The following ELMO2 variants were observed in gnomAD, a reference collection of about 807,000 sequenced individuals.
ELMO2 encodes engulfment and cell motility protein 2.
ELMO2 carries 37 observed loss-of-function variants against 96.2 expected under a neutral mutation model. The observed-to-expected ratio is 0.38, with a 90% CI of 0.30 to 0.51. The LOEUF is 0.51. Among genes scored for constraint, ELMO2 ranks in the 20% least tolerant of loss-of-function variants. The pLI, the probability that ELMO2 is intolerant of heterozygous loss-of-function variation, is 0.88. For synonymous variants in ELMO2, 315 were observed against 329.4 expected, an observed-to-expected ratio of 0.96 and a Z score of 0.47; for missense variants, 561 against 912.6, an observed-to-expected ratio of 0.61 and a Z score of 4.96.
intron 21 of ELMO2, among the ~76,000 whole-genome samples, chr20:46,368,361 A>G (rs1225751474): frequency 6.6e-6 from 1 of 152,112 alleles, no homozygotes; most frequent in East Asian, 1.9e-4. Flanking sequence ...CCTTGTCAGA[A>G]GGACCAGTTC....
At chr20:46,405,756 C>T (rs904030489) in intron 1 of ELMO2, among the ~76,000 whole-genome samples, 1 of 152,098 alleles carries the variant, frequency 6.6e-6, no homozygotes, top group African/African-American at 2.4e-5. Flanking sequence ...TGGTGGCAGG[C>T]GCCCGTAATC....
intron 7 of ELMO2, among the ~76,000 whole-genome samples, chr20:46,388,455 G>A (rs1465026217): frequency 2.0e-5 from 3 of 152,206 alleles, no homozygotes; most frequent in East Asian, 1.9e-4. Flanking sequence ...GCTGCCCACC[G>A]CATGCATGTG....
chr20:46,381,776 T>G (rs1276838720), intron 10 of ELMO2, among the ~76,000 whole-genome samples: 1 of 152,142 alleles, frequency 6.6e-6, no homozygotes, highest in African/African-American at 2.4e-5. Context: ...GCATCCAAAT[T>G]CCCTTTTGTC....
intron 11 of ELMO2, chr20:46,376,778 C>T: frequency 7.8e-7 from 1 of 1,289,376 alleles, no homozygotes; most frequent in Non-Finnish European, 1.0e-6. Context: ...TGTACCACCA[C>T]TATGTCCTTC....
intron 2 of ELMO2, among the ~76,000 whole-genome samples, chr20:46,395,971 A>T (rs1274822474): frequency 2.0e-5 from 3 of 152,240 alleles, no homozygotes; most frequent in Non-Finnish European, 2.9e-5. Context: ...GGTTGACAGA[A>T]CTTGGACTGG....
chr20:46,393,433 C>G (rs2060189751), intron 5 of ELMO2, 96 bp downstream of exon 5: 1 of 1,333,374 alleles, frequency 7.5e-7, no homozygotes, highest in Admixed American at 1.8e-5. Flanking sequence ...CACATGGAAG[C>G]TACCTGGATG....
intron 14 of ELMO2, 42 bp from the exon 15 acceptor site, chr20:46,374,482 G>A (rs2059812108): frequency 1.9e-6 from 3 of 1,611,660 alleles, no homozygotes; most frequent in Admixed American, 1.7e-5. Context: ...AGATGAAGGA[G>A]GAAGGCAGGA....
chr20:46,385,985 T>G, intron 9 of ELMO2, 139 bp downstream of exon 9: 2 of 878,328 alleles, frequency 2.3e-6, no homozygotes, highest in Non-Finnish European at 1.7e-6. Flanking sequence ...CTGGCAGGAG[T>G]GTGGAAGAGG....
At position 46,386,069 on chromosome 20, in the gene ELMO2, A is replaced by G. The variant is rs370621430; in HGVS notation, c.677+55T>C. 4 of 1,568,088 alleles carry G rather than the reference A, an allele frequency of 2.6e-6. No homozygotes were observed. The African/African-American group carries it at 4.1e-5, about 16-fold the overall frequency. ...GTAGGATTGGAAGACTTAAAATAAGAGGAGAAAAGAGGACAGACAAGTGAA... is the reference window on the plus strand; with the variant it reads ...GTAGGATTGGAAGACTTAAAATAAGGGGAGAAAAGAGGACAGACAAGTGAA... On this transcript the variant is annotated intron_variant, in intron 9 of 21. Coordinates refer to ENST00000290246, the MANE Select transcript of ELMO2 (RefSeq NM_133171.5).
intron 2 of ELMO2, among the ~76,000 whole-genome samples, chr20:46,396,033 A>C (rs1475961723): frequency 1.3e-5 from 2 of 152,244 alleles, no homozygotes; most frequent in Non-Finnish European, 1.5e-5. Context: ...ACTTCTGTCC[A>C]CTGCAATTAA....
chr20:46,402,242 C>CATCT (rs59100899), intron 1 of ELMO2, among the ~76,000 whole-genome samples: 2,551 of 152,284 alleles, frequency 0.017, 57 homozygotes, highest in African/African-American at 0.058. Flanking sequence ...TCTATTCCCC[C>CATCT]ATCTACTCTT....
At chr20:46,379,384 G>C (rs1349221129) in intron 11 of ELMO2, among the ~76,000 whole-genome samples, 3 of 152,092 alleles carry the variant, frequency 2.0e-5, no homozygotes, top group Admixed American at 2.0e-4. Flanking sequence ...CCACCCCACA[G>C]GTGGTAACAG....
chr20:46,380,158 CCTCA>C (rs1600844225), intron 11 of ELMO2, 91 bp downstream of exon 11: 1 of 1,082,644 alleles, frequency 9.2e-7, no homozygotes, highest in African/African-American at 1.6e-5. Context: ...TGTGTGTCCT[CCTCA>C]CTCATTAATA....
At chr20:46,368,666 T>C (rs1337380518) in intron 21 of ELMO2, among the ~76,000 whole-genome samples, 1 of 149,006 alleles carries the variant, frequency 6.7e-6, no homozygotes, top group African/African-American at 2.5e-5. Flanking sequence ...TCCAGCATTA[T>C]GTAATGATAC....
At chr20:46,406,330 C>G (rs867541733) in intron 1 of ELMO2, among the ~76,000 whole-genome samples, 18 of 152,232 alleles carry the variant, frequency 1.2e-4, no homozygotes, top group Middle Eastern at 6.8e-3. Flanking sequence ...GTCCAGGACC[C>G]GGTCTCTCCT....
rs567304172 is a variant in ELMO2 at position 46,393,646 on chromosome 20, T to G, written c.120-45A>C. The G allele has an allele frequency of 8.2e-6, 13 of 1,593,060 alleles. No individual in the cohort carries two copies. The South Asian group carries it at 1.4e-4, about 18-fold the overall frequency. On this transcript the variant is annotated intron_variant, in intron 4 of 21. Transcript: ENST00000290246. ...TATATCCCACTTGGCCACTCTCTTG[T>G]TCAGAAGCTGCTCATAAGTAATTTT...
chr20:46,404,357 C>T (rs1011897191), intron 1 of ELMO2, among the ~76,000 whole-genome samples: 1 of 152,198 alleles, frequency 6.6e-6, no homozygotes, highest in African/African-American at 2.4e-5. Flanking sequence ...ATGCTGTACA[C>T]TGAAGTTTTT....
At position 46,386,252 on chromosome 20, in the gene ELMO2, G is replaced by A. The variant is rs2060041587; in HGVS notation, c.549C>T (p.Pro183=). 1 of 1,613,966 alleles carries A rather than the reference G, an allele frequency of 6.2e-7. No individual in the cohort carries two copies. The part of the protein sequence containing the change: ...IKQIAGYVSQ[P]MVDVSILQRS... ...TCTGAAGGATTGACACGTCCACCAT[G>A]GGCTGGCTCACATACCCTGCAATCT... The change falls in exon 9 of 22, where the codon CCC becomes CCT. Residue 183 remains proline, a synonymous_variant. Transcript: ENST00000290246.
intron 19 of ELMO2, 73 bp from the exon 20 acceptor site, chr20:46,370,598 G>A (rs2059683075): frequency 1.4e-6 from 2 of 1,391,116 alleles, no homozygotes; most frequent in Non-Finnish European, 2.0e-6. Context: ...AGTGCTGGAA[G>A]GGAGGTACTG....
Sources: allele counts gnomAD v4.1 joint callset (sites outside exome capture counted in the v4.1 genomes callset), GRCh38; gene constraint gnomAD v4.1.1; transcripts MANE v1.5; gene names NCBI Gene and HGNC (gene_info 2026-07-23, HGNC 2026-07-21).